CLSTN2: variants seen among roughly 807,000 people sequenced by gnomAD.
The protein encoded by CLSTN2 is calsyntenin 2.
CLSTN2 carries 48 observed loss-of-function variants against 101.2 expected under a neutral mutation model. The ratio of observed to expected loss-of-function variants is 0.47; its 90% CI spans 0.38 to 0.60. CLSTN2 has a LOEUF of 0.60. Ranked by LOEUF, CLSTN2 falls within the 20% of genes least tolerant of loss-of-function variation. CLSTN2 has a pLI of 0.00. For synonymous variants in CLSTN2, 481 were observed against 463.6 expected (o/e 1.04, Z -0.48); for missense variants, 1,160 against 1,238.2 (o/e 0.94, Z 0.95).
intron 1 of CLSTN2, among the ~76,000 whole-genome samples, chr3:140,137,686 A>T (rs1185800100): frequency 6.6e-6 from 1 of 152,204 alleles, no homozygotes; most frequent in Non-Finnish European, 1.5e-5. Context: ...TGACTATGCT[A>T]ATATTTACAT....
intron 2 of CLSTN2, among the ~76,000 whole-genome samples, chr3:140,379,940 T>C (rs1170629701): frequency 6.6e-6 from 1 of 152,150 alleles, no homozygotes; most frequent in Non-Finnish European, 1.5e-5. Context: ...AGGATTACCA[T>C]TCCTTTTTTG....
intron 2 of CLSTN2, among the ~76,000 whole-genome samples, chr3:140,244,670 C>G (rs895696392): frequency 2.0e-5 from 3 of 152,144 alleles, no homozygotes; most frequent in Non-Finnish European, 4.4e-5. Flanking sequence ...TCTCCAAGAC[C>G]AAGGCCTCAC....
intron 2 of CLSTN2, among the ~76,000 whole-genome samples, chr3:140,216,518 C>T (rs919693144): frequency 6.6e-6 from 1 of 152,144 alleles, no homozygotes; most frequent in Non-Finnish European, 1.5e-5. Flanking sequence ...TTAAGCTTTT[C>T]CACGTGTGCC....
Position 140,137,957 on chromosome 3 carries a change from T to G in CLSTN2, c.110-37994T>G, listed in dbSNP as rs75047243. 6.6e-4 allele frequency among the ~76,000 whole-genome samples: 100 copies of G among 152,294 alleles called. No individual in the cohort carries two copies. In the East Asian group the frequency reaches 0.016, roughly 25 times the overall value. ...AGGACTTTTGTGGGCTTGCTTGCTG[T>G]TTTAACAGAAGTCTTAAGGAAAGAG... On this transcript the variant is annotated intron_variant, in intron 1 of 16. Transcript: ENST00000458420.
chr3:140,214,146 A>T (rs908881750), intron 2 of CLSTN2, among the ~76,000 whole-genome samples: 3 of 148,646 alleles, frequency 2.0e-5, no homozygotes, highest in Non-Finnish European at 4.5e-5. Flanking sequence ...CCTTATCTAT[A>T]AAAAAAAAAT....
chr3:140,464,696 T>G (rs764745823), intron 7 of CLSTN2, among the ~76,000 whole-genome samples: 25 of 152,188 alleles, frequency 1.6e-4, no homozygotes, highest in Non-Finnish European at 3.7e-4. Context: ...AAGGCAAAAA[T>G]TCTTCCTTTC....
intron 12 of CLSTN2, among the ~76,000 whole-genome samples, chr3:140,559,575 G>A (rs114829982): frequency 0.093 from 13,937 of 149,254 alleles, 767 homozygotes; most frequent in South Asian, 0.15. Context: ...GGCGGGGAAG[G>A]GAAAGAAGGA....
At chr3:140,176,618 A>G (rs1308737157) in intron 2 of CLSTN2, among the ~76,000 whole-genome samples, 1 of 152,194 alleles carries the variant, frequency 6.6e-6, no homozygotes, top group Non-Finnish European at 1.5e-5. Flanking sequence ...GCCTCTCACT[A>G]TCATCAAGGC....
intron 1 of CLSTN2, among the ~76,000 whole-genome samples, chr3:140,114,852 C>G (rs539365540): frequency 1.3e-5 from 2 of 152,150 alleles, no homozygotes; most frequent in African/African-American, 4.8e-5. Context: ...CCCCTCCCCC[C>G]ATTTCTCCAT....
intron 2 of CLSTN2, among the ~76,000 whole-genome samples, chr3:140,362,109 A>G (rs2107950559): frequency 6.6e-6 from 1 of 152,330 alleles, no homozygotes; most frequent in Middle Eastern, 3.4e-3. Flanking sequence ...GTACTGGTAT[A>G]AAACAGGAGT....
chr3:140,416,197 G>T (rs1487457280), intron 4 of CLSTN2, among the ~76,000 whole-genome samples: 1 of 152,146 alleles, frequency 6.6e-6, no homozygotes, highest in Admixed American at 6.6e-5. Flanking sequence ...GGTTGCCAGG[G>T]TTTAGGGAGG....
At chr3:140,406,058 C>T (rs1187913103) in intron 4 of CLSTN2, among the ~76,000 whole-genome samples, 1 of 152,152 alleles carries the variant, frequency 6.6e-6, no homozygotes, top group Admixed American at 6.5e-5. Context: ...CCAGTGGCAG[C>T]AAGGGTGAAG....
intron 4 of CLSTN2, among the ~76,000 whole-genome samples, chr3:140,417,550 A>T (rs2088445082): frequency 6.7e-6 from 1 of 148,936 alleles, no homozygotes; most frequent in African/African-American, 2.4e-5. Flanking sequence ...CTCCGAGTTT[A>T]AAAAAAAATA....
At chr3:140,183,316 T>G (rs111671106) in intron 2 of CLSTN2, among the ~76,000 whole-genome samples, 324 of 152,278 alleles carry the variant, frequency 2.1e-3, no homozygotes, top group African/African-American at 7.3e-3. Flanking sequence ...AAGGAAGGAT[T>G]TCCTGGGATG....
At chr3:140,354,181 T>C (rs1576529061) in intron 2 of CLSTN2, among the ~76,000 whole-genome samples, 2 of 152,238 alleles carry the variant, frequency 1.3e-5, no homozygotes, top group Admixed American at 6.5e-5. Context: ...AAATGGCAAA[T>C]GGAGCTTCTC....
At chr3:140,086,633 G>C (rs916470075) in intron 1 of CLSTN2, among the ~76,000 whole-genome samples, 2 of 152,108 alleles carry the variant, frequency 1.3e-5, no homozygotes, top group Non-Finnish European at 2.9e-5. Flanking sequence ...CACTCATTTT[G>C]GGTCCCCAGC....
intron 1 of CLSTN2, among the ~76,000 whole-genome samples, chr3:140,138,729 G>A (rs2009652596): frequency 6.6e-6 from 1 of 152,204 alleles, no homozygotes; most frequent in African/African-American, 2.4e-5. Flanking sequence ...GACCTCTGAG[G>A]TTCTCCTCTG....
At chr3:140,211,557 A>AGT (rs869290786) in intron 2 of CLSTN2, among the ~76,000 whole-genome samples, 19 of 84,912 alleles carry the variant, frequency 2.2e-4, no homozygotes, top group Non-Finnish European at 8.1e-5. Context: ...GTGTGTGTGT[A>AGT]GTGTGTGTGT....
Position 140,575,248 on chromosome 3 carries a change from T to C in CLSTN2, c.*8995T>C, listed in dbSNP as rs1301689250. 6.6e-6 allele frequency: 1 copy of C among 152,080 alleles called. No homozygotes were observed. Among genetic ancestry groups the C allele is most frequent in the Non-Finnish European group, 1.5e-5 (1 of 68,024 alleles). The allele number at this position is 152,080 out of a possible 1,614,324, so 9.4% of individuals were successfully genotyped here. A position where few individuals can be genotyped will look rare whatever the true frequency, so the allele number is the denominator to read the frequency against. ...ATCACTCAAAAAGTAAGATAGGAGA[T>C]ATTGAGGGAAAATGTGACTCATAGT... On this transcript the variant is annotated 3_prime_UTR_variant, in exon 17 of 17. Transcript: ENST00000458420.
Sources: gnomAD v4.1 joint callset for allele counts (sites outside exome capture counted in the v4.1 genomes callset) on GRCh38, gnomAD v4.1.1 for gene constraint, MANE v1.5 for transcripts, NCBI Gene and HGNC (gene_info 2026-07-23, HGNC 2026-07-21) for gene names.